Variants in MED13L observed in about 807,000 individuals in gnomAD.
MED13L encodes the protein mediator of RNA polymerase II transcription subunit 13-like.
MED13L carries 7 observed loss-of-function variants against 220.9 expected under a neutral mutation model. The ratio of observed to expected loss-of-function variants is 0.03; its 90% CI spans 0.02 to 0.06. The LOEUF (loss-of-function observed/expected upper bound fraction) is 0.06. Among genes scored for constraint, MED13L ranks in the 10% least tolerant of loss-of-function variants. MED13L has a pLI of 1.00. For missense variants in MED13L, 1,965 were observed against 2,760.5 expected, an observed-to-expected ratio of 0.71 and a Z score of 6.46; for synonymous variants, 1,011 against 1,015.2, an observed-to-expected ratio of 1.00 and a Z score of 0.08.
At chr12:115,996,111 GAC>G (rs1462651053) in intron 16 of MED13L, among the ~76,000 whole-genome samples, 1 of 151,460 alleles carries the variant, frequency 6.6e-6, no homozygotes, top group East Asian at 1.9e-4. Flanking sequence ...TTCTTTCTGA[GAC>G]AGAGTCTCAC....
chr12:116,067,242 T>C (rs1870016938), intron 4 of MED13L, among the ~76,000 whole-genome samples: 1 of 152,244 alleles, frequency 6.6e-6, no homozygotes, highest in African/African-American at 2.4e-5. Flanking sequence ...TAATTTTCTA[T>C]GTGTACCTCT....
chr12:116,122,351 C>T (rs535458918), intron 2 of MED13L, among the ~76,000 whole-genome samples: 12 of 152,174 alleles, frequency 7.9e-5, no homozygotes, highest in Non-Finnish European at 1.2e-4. Context: ...TGACTTACAA[C>T]ACTACACCAC....
At chr12:116,250,612 A>T (rs949288621) in intron 1 of MED13L, among the ~76,000 whole-genome samples, 2 of 148,486 alleles carry the variant, frequency 1.3e-5, no homozygotes, top group African/African-American at 4.9e-5. Flanking sequence ...AAAAATACAA[A>T]AAAAAAAAAA....
At position 115,970,778 on chromosome 12, in the gene MED13L, GA is replaced by G. The variant is rs1876527375; in HGVS notation, c.5891-9del. 6 of 1,612,504 alleles carry G rather than the reference GA, an allele frequency of 3.7e-6. No homozygotes were observed. The highest frequency in any genetic ancestry group is 5.1e-6 in the Non-Finnish European group (6 of 1,179,244). Reference sequence around the variant, plus strand: ...AGCCCATTGTGACAGCATCTTTAAAGAAAAAAATAGAATTATATCAATCAAT... The same window carrying G: ...AGCCCATTGTGACAGCATCTTTAAAGAAAAAATAGAATTATATCAATCAAT... On this transcript the variant is annotated splice_polypyrimidine_tract_variant and intron_variant, in intron 26 of 30. Transcript: ENST00000281928.
intron 4 of MED13L, among the ~76,000 whole-genome samples, chr12:116,085,556 T>C (rs1317037353): frequency 6.6e-6 from 1 of 152,194 alleles, no homozygotes; most frequent in Non-Finnish European, 1.5e-5. Context: ...AGGAAAAGTA[T>C]GTCCTATTCA....
chr12:115,970,423 A>C (rs1320819369), intron 27 of MED13L, among the ~76,000 whole-genome samples, 171 bp downstream of exon 27: 1 of 152,262 alleles, frequency 6.6e-6, no homozygotes, highest in East Asian at 1.9e-4. Flanking sequence ...TTAATTGTGC[A>C]GATAAATCAA....
At chr12:116,032,572 T>G (rs1248398281) in intron 4 of MED13L, among the ~76,000 whole-genome samples, 1 of 152,216 alleles carries the variant, frequency 6.6e-6, no homozygotes, top group East Asian at 1.9e-4. Flanking sequence ...AATTTGAAAT[T>G]ACTGTTCCCT....
intron 16 of MED13L, among the ~76,000 whole-genome samples, chr12:115,993,618 TAA>T (rs1005346293): frequency 6.6e-6 from 1 of 151,874 alleles, no homozygotes; most frequent in African/African-American, 2.4e-5. Context: ...CCAAAATAGT[TAA>T]GTGTGTAATA....
intron 2 of MED13L, among the ~76,000 whole-genome samples, chr12:116,182,633 T>C (rs1880609545): frequency 6.6e-6 from 1 of 152,186 alleles, no homozygotes; most frequent in African/African-American, 2.4e-5. Context: ...CACTCTCTCT[T>C]TCTCTCTGAC....
chr12:116,227,118 C>T (rs1247718799), intron 2 of MED13L, among the ~76,000 whole-genome samples: 3 of 152,082 alleles, frequency 2.0e-5, no homozygotes, highest in East Asian at 1.9e-4. Context: ...GAGATCTATA[C>T]ATCAGTTTAG....
chr12:115,996,501 C>G lies in MED13L; in HGVS notation c.2971G>C (p.Ala991Pro). 6.2e-7 allele frequency: 1 copy of G among 1,614,150 alleles called. No individual in the cohort carries two copies. Among genetic ancestry groups the G allele is most frequent in the Non-Finnish European group, 8.5e-7 (1 of 1,179,972 alleles). The change falls in exon 16 of 31, where the codon GCC (alanine) becomes CCC (proline). Residue 991 changes from alanine (A) to proline (P), a missense_variant. This residue lies in a region of MED13L where 233 missense variants were observed against 306.2 expected (regional missense o/e 0.76). Transcript: ENST00000281928. ...KIEQLPMPPA[A>P]TFIRDGYNNV... ...TTGTAGCCATCTCTAATGAAAGTGG[C>G]TGCAGGGGGCATGGGCAGTTGTTCA...
chr12:116,254,496 C>G (rs1871865678), intron 1 of MED13L, among the ~76,000 whole-genome samples: 1 of 152,028 alleles, frequency 6.6e-6, no homozygotes, highest in Non-Finnish European at 1.5e-5. Context: ...CACCTGTAAT[C>G]CTAGCACTTT....
In MED13L at chr12:115,989,386, T is replaced by C. The variant is rs1238656102; in HGVS notation, c.3934+1634A>G. ...CCCTGGCTTCCAAAAGCCCCCTCTA[T>C]GGTTCTTCCTTCTCTGCTTGATAGG... is the stretch of plus-strand genomic sequence containing the variant. On this transcript the variant is annotated intron_variant, in intron 17 of 30. Transcript: ENST00000281928. 5.3e-5 allele frequency among the ~76,000 whole-genome samples: 8 copies of C among 152,080 alleles called. No homozygotes were observed. In the South Asian group the frequency reaches 6.2e-4, roughly 12 times the overall value.
intron 22 of MED13L, chr12:115,982,143 G>A: frequency 5.8e-6 from 3 of 515,868 alleles, no homozygotes; most frequent in Non-Finnish European, 1.0e-5. Context: ...ATGTGTGTAA[G>A]GTGTATATGA....
At chr12:116,184,241 A>T (rs966699248) in intron 2 of MED13L, among the ~76,000 whole-genome samples, 1 of 152,244 alleles carries the variant, frequency 6.6e-6, no homozygotes, top group African/African-American at 2.4e-5. Context: ...GATAGTTACA[A>T]TCAATCTACA....
chr12:116,175,140 GA>G (rs1001501423), intron 2 of MED13L, among the ~76,000 whole-genome samples: 2 of 151,568 alleles, frequency 1.3e-5, no homozygotes, highest in Non-Finnish European at 2.9e-5. Context: ...AATAATTTAA[GA>G]AAAAAAAGAG....
chr12:116,006,201 A>C, intron 12 of MED13L, 105 bp downstream of exon 12: 1 of 1,253,054 alleles, frequency 8.0e-7, no homozygotes, highest in Non-Finnish European at 1.1e-6. Context: ...TAAAGATGAG[A>C]TGAAATTCTT....
chr12:116,258,918 G>T (rs1365486905), intron 1 of MED13L, among the ~76,000 whole-genome samples: 35 of 138,196 alleles, frequency 2.5e-4, no homozygotes, highest in Middle Eastern at 3.9e-3. Context: ...AATATTGAGG[G>T]TTTTTTTTTT....
At chr12:116,144,775 T>C (rs1420980034) in intron 2 of MED13L, among the ~76,000 whole-genome samples, 2 of 152,218 alleles carry the variant, frequency 1.3e-5, no homozygotes, top group African/African-American at 4.8e-5. Flanking sequence ...CTGAATCTGA[T>C]ATGCAATTAG....
Sources: gnomAD v4.1 joint callset for allele counts (sites outside exome capture counted in the v4.1 genomes callset) on GRCh38, gnomAD v4.1.1 for gene constraint, gnomAD v4.1.1 regional missense constraint, MANE v1.5 for transcripts, NCBI Gene and HGNC (gene_info 2026-07-23, HGNC 2026-07-21) for gene names.